Variants in ERO1A observed in about 807,000 individuals in gnomAD.
ERO1A encodes the protein endoplasmic reticulum oxidoreductase 1 alpha.
In ERO1A, 49 loss-of-function variants were observed where a neutral mutation model predicts 76.9. The observed-to-expected ratio is 0.64, with a 90% CI of 0.51 to 0.81. ERO1A has a LOEUF of 0.81. Ranked by LOEUF, ERO1A falls within the 30% of genes least tolerant of loss-of-function variation. The pLI, the probability that ERO1A is intolerant of heterozygous loss-of-function variation, is 0.00. For missense variants in ERO1A, 448 were observed against 542.1 expected (o/e 0.83, Z 1.72); for synonymous variants, 174 against 181.2 (o/e 0.96, Z 0.32).
intron 10 of ERO1A, 42 bp downstream of exon 10, chr14:52,658,081 GA>G (rs377241560): frequency 2.7e-6 from 4 of 1,499,396 alleles, no homozygotes; most frequent in East Asian, 2.3e-5. Flanking sequence ...AATCTCATGA[GA>G]AAAAAACCAT....
intron 2 of ERO1A, among the ~76,000 whole-genome samples, chr14:52,682,707 T>C (rs544048521): frequency 6.6e-6 from 1 of 152,238 alleles, no homozygotes; most frequent in South Asian, 2.1e-4. Context: ...GAGACCAGCC[T>C]GGCCAACGTG....
chr14:52,665,396 A>G (rs922645216), intron 7 of ERO1A, among the ~76,000 whole-genome samples: 2 of 152,058 alleles, frequency 1.3e-5, no homozygotes, highest in African/African-American at 2.4e-5. Context: ...CATGGCAGAA[A>G]TAAGTAATTA....
chr14:52,649,429 T>G (rs2039777594), intron 13 of ERO1A, among the ~76,000 whole-genome samples: 1 of 152,180 alleles, frequency 6.6e-6, no homozygotes, highest in Non-Finnish European at 1.5e-5. Flanking sequence ...TTTAAAAAAG[T>G]AAATCTTTGA....
At chr14:52,667,249 T>C (rs566493465) in intron 6 of ERO1A, among the ~76,000 whole-genome samples, 1 of 152,174 alleles carries the variant, frequency 6.6e-6, no homozygotes, top group South Asian at 2.1e-4. Context: ...AAAGTTACAA[T>C]GCAGCATGAT....
chr14:52,683,919 A>T lies in ERO1A; in HGVS notation c.115-12T>A, dbSNP rs1280681072. 4 of 1,555,902 alleles carry T rather than the reference A, an allele frequency of 2.6e-6. No homozygotes were observed. The East Asian group carries it at 9.1e-5, about 36-fold the overall frequency. On this transcript the variant is annotated splice_polypyrimidine_tract_variant and intron_variant, in intron 1 of 15. Transcript: ENST00000395686. Reference sequence around the variant, plus strand: ...AAGTAACCACTAACCTGTTACAAAGAAAATGAAATATTAAATTGAAATGTC... The same window carrying T: ...AAGTAACCACTAACCTGTTACAAAGTAAATGAAATATTAAATTGAAATGTC...
At chr14:52,668,305 G>C (rs1202358327) in intron 6 of ERO1A, among the ~76,000 whole-genome samples, 4 of 152,096 alleles carry the variant, frequency 2.6e-5, no homozygotes, top group African/African-American at 9.7e-5. Context: ...CAGAACTTTG[G>C]GAGGCTGAGG....
chr14:52,667,224 AT>A (rs2040442352), intron 6 of ERO1A, among the ~76,000 whole-genome samples: 1 of 152,164 alleles, frequency 6.6e-6, no homozygotes, highest in African/African-American at 2.4e-5. Flanking sequence ...AGCAGATCCA[AT>A]CTGGCCAAAA....
rs760499654 is a variant in ERO1A at position 52,653,161 on chromosome 14, G to A, written c.963C>T (p.Phe321=). ...ELRALSKVLP[F]FERPDFQLFT... ...AGAGTTGAAAATCTGGGCGCTCGAA[G>A]AATGGTAACACTTTGGATAAAGCCC... Residue 321 remains phenylalanine (F), a synonymous_variant, in exon 12 of 16, where the codon TTC becomes TTT. Transcript: ENST00000395686. 6 of 1,613,406 alleles carry A rather than the reference G, an allele frequency of 3.7e-6. No homozygotes were observed. The South Asian group carries it at 5.5e-5, about 15-fold the overall frequency.
chr14:52,679,148 TC>T, intron 3 of ERO1A, among the ~76,000 whole-genome samples: 1 of 152,204 alleles, frequency 6.6e-6, no homozygotes, highest in African/African-American at 2.4e-5. Context: ...CCATGCTTCT[TC>T]CCCCTGCAGA....
rs2039544707 is a variant in ERO1A at position 52,643,556 on chromosome 14, T to C, written c.*14A>G. On this transcript the variant is annotated 3_prime_UTR_variant, in exon 16 of 16. Transcript: ENST00000395686. ...TCCATTGTCCAGAAACAGGCACATA[T>C]CAGCTTGTTTTCTTTAATGAATATT... The C allele has an allele frequency of 6.8e-7, 1 of 1,466,700 alleles. No homozygotes were observed. Among genetic ancestry groups the C allele is most frequent in the Non-Finnish European group, 9.0e-7 (1 of 1,107,272 alleles). The allele number at this position is 1,466,700 out of a possible 1,614,324, so 90.9% of individuals were successfully genotyped here.
intron 8 of ERO1A, among the ~76,000 whole-genome samples, chr14:52,663,525 G>A (rs565465722): frequency 4.0e-5 from 6 of 151,790 alleles, no homozygotes; most frequent in African/African-American, 7.3e-5. Flanking sequence ...GCGTGAACCC[G>A]GGAGGCGAAG....
intron 15 of ERO1A, among the ~76,000 whole-genome samples, chr14:52,643,834 T>C (rs2139611574): frequency 1.3e-5 from 2 of 152,334 alleles, no homozygotes; most frequent in South Asian, 4.1e-4. Context: ...AATTAGTTAT[T>C]TTAAAAGTAT....
chr14:52,687,960 A>G (rs1480192001), intron 1 of ERO1A, among the ~76,000 whole-genome samples: 1 of 152,156 alleles, frequency 6.6e-6, no homozygotes, highest in African/African-American at 2.4e-5. Context: ...TGAAGGCAGG[A>G]GGGTTGCTTG....
chr14:52,677,890 A>T (rs936693263), intron 4 of ERO1A, among the ~76,000 whole-genome samples: 2 of 146,540 alleles, frequency 1.4e-5, no homozygotes, highest in African/African-American at 5.0e-5. Context: ...AAAAAAAAAA[A>T]TTAAAGAACT....
At chr14:52,673,547 A>C (rs1003425407) in intron 4 of ERO1A, among the ~76,000 whole-genome samples, 4 of 152,364 alleles carry the variant, frequency 2.6e-5, no homozygotes, top group African/African-American at 9.6e-5. Context: ...ACTACTGAGA[A>C]GCTCTTGGGT....
chr14:52,672,786 AAAAAAAAC>A (rs1161250623), intron 4 of ERO1A, among the ~76,000 whole-genome samples: 3 of 150,866 alleles, frequency 2.0e-5, no homozygotes, highest in South Asian at 2.1e-4. Context: ...CAAAAAAAAA[AAAAAAAAC>A]AAAAAACAAA....
intron 4 of ERO1A, among the ~76,000 whole-genome samples, chr14:52,675,032 T>C (rs74051020): frequency 3.0e-3 from 450 of 152,300 alleles, no homozygotes; most frequent in African/African-American, 0.01. Flanking sequence ...GATGTTCTAA[T>C]GGATGGCTAC....
At chr14:52,679,499 G>A (rs774252606) in intron 3 of ERO1A, among the ~76,000 whole-genome samples, 5 of 150,562 alleles carry the variant, frequency 3.3e-5, no homozygotes, top group Non-Finnish European at 5.9e-5. Context: ...TGCAACCTCC[G>A]CCTCCTGGGT....
intron 3 of ERO1A, among the ~76,000 whole-genome samples, chr14:52,680,078 C>CAAAAAAAAA (rs2040938000): frequency 1.5e-4 from 2 of 13,684 alleles, no homozygotes; most frequent in African/African-American, 2.8e-4. Context: ...GCAAAAAACA[C>CAAAAAAAAA]AAACAAAAAA....
Sources: allele counts gnomAD v4.1 joint callset (sites outside exome capture counted in the v4.1 genomes callset), GRCh38; gene constraint gnomAD v4.1.1; transcripts MANE v1.5; gene names NCBI Gene and HGNC (gene_info 2026-07-23, HGNC 2026-07-21).